MYO5B: variants seen among roughly 807,000 people sequenced by gnomAD.
MYO5B encodes the protein unconventional myosin-Vb.
In MYO5B, 143 loss-of-function variants were observed where a neutral mutation model predicts 229.3. The observed-to-expected ratio is 0.62, with a 90% confidence interval of 0.54 to 0.72. The LOEUF (loss-of-function observed/expected upper bound fraction) is 0.72. Among genes scored for constraint, MYO5B ranks in the 30% least tolerant of loss-of-function variants. MYO5B has a pLI of 0.00. For missense variants in MYO5B, 2,321 were observed against 2,331.0 expected (o/e 1.00, Z 0.09); for synonymous variants, 918 against 885.2 (o/e 1.04, Z -0.66).
intron 1 of MYO5B, among the ~76,000 whole-genome samples, chr18:50,104,164 T>C: frequency 4.5e-4 from 1 of 2,232 alleles, no homozygotes; most frequent in Non-Finnish European, 4.3e-3. Flanking sequence ...AGAACTTGTC[T>C]ATTAAAAAGA....
intron 21 of MYO5B, among the ~76,000 whole-genome samples, chr18:49,896,072 C>T (rs564398011): frequency 2.0e-5 from 3 of 152,272 alleles, no homozygotes; most frequent in Admixed American, 6.5e-5. Flanking sequence ...GCCAAATCAC[C>T]GATAAGCTGG....
At chr18:50,109,718 GA>G (rs1395002375) in intron 1 of MYO5B, among the ~76,000 whole-genome samples, 10 of 152,126 alleles carry the variant, frequency 6.6e-5, no homozygotes, top group Non-Finnish European at 1.0e-4. Flanking sequence ...GAGCCACCAC[GA>G]CCAGCGGTCA....
chr18:49,962,232 C>A, intron 12 of MYO5B, 34 bp downstream of exon 12: 1 of 1,613,720 alleles, frequency 6.2e-7, no homozygotes, highest in African/African-American at 1.3e-5. Context: ...CATCCCTACC[C>A]TAGAATTGAA....
At position 50,077,168 on chromosome 18, in the gene MYO5B, TAAAAA is replaced by T. The variant is rs71169476; in HGVS notation, c.28-21795_28-21791del. ...TTAGGGTTAATTTATTGTGGCAAAG[TAAAAA>T]AAAAAAAAAAAAAAAAAAAAGACAA... On this transcript the variant is annotated intron_variant, in intron 1 of 39. Coordinates refer to ENST00000285039, the MANE Select transcript of MYO5B (RefSeq NM_001080467.3). Among the ~76,000 whole-genome samples, 300 of 81,224 alleles carry T rather than the reference TAAAAA, an allele frequency of 3.7e-3. 1 individual carries two copies. Among genetic ancestry groups the T allele is most frequent in the African/African-American group, 0.012 (278 of 22,254 alleles). The allele number at this position is 81,224 out of a possible 152,430, so 53.3% of individuals were successfully genotyped here.
At chr18:50,183,739 G>A (rs905428306) in intron 1 of MYO5B, among the ~76,000 whole-genome samples, 30 of 152,176 alleles carry the variant, frequency 2.0e-4, no homozygotes, top group African/African-American at 6.7e-4. Flanking sequence ...CCAATGTGGC[G>A]GGGGTGGGAG....
chr18:50,014,262 A>G (rs1030057697), intron 4 of MYO5B, among the ~76,000 whole-genome samples: 1 of 123,088 alleles, frequency 8.1e-6, no homozygotes, highest in Non-Finnish European at 1.7e-5. Context: ...AATTATGGAG[A>G]AAATGGATGA....
chr18:49,935,261 G>A (rs2144207729), intron 16 of MYO5B, among the ~76,000 whole-genome samples: 1 of 152,246 alleles, frequency 6.6e-6, no homozygotes, highest in Admixed American at 6.5e-5. Context: ...TAGCACCTCG[G>A]GGTATCCAAA....
intron 1 of MYO5B, among the ~76,000 whole-genome samples, chr18:50,111,496 G>A (rs1345705546): frequency 6.6e-6 from 1 of 152,220 alleles, no homozygotes; most frequent in Admixed American, 6.5e-5. Context: ...AAATTCTCCA[G>A]ATTGTATCTC....
Position 50,153,904 on chromosome 18 carries a change from C to T in MYO5B, c.27+40863G>A, listed in dbSNP as rs1034421073. Among the ~76,000 whole-genome samples, 4 of 152,270 alleles carry T rather than the reference C, an allele frequency of 2.6e-5. No homozygotes were observed. The East Asian group carries it at 7.7e-4, about 29-fold the overall frequency. On this transcript the variant is annotated intron_variant, in intron 1 of 39. Coordinates refer to ENST00000285039, the MANE Select transcript of MYO5B (RefSeq NM_001080467.3). ...ACTGCAGTGTCCTTGCTCCCCACCC[C>T]TGGAGCCTCTGGGCACCTCTCCACC...
At chr18:50,104,263 A>T (rs1323000502) in intron 1 of MYO5B, among the ~76,000 whole-genome samples, 2 of 82,468 alleles carry the variant, frequency 2.4e-5, no homozygotes. Context: ...GGATCTATAC[A>T]TGATATATAT....
At chr18:50,069,188 T>G (rs2030893869) in intron 1 of MYO5B, among the ~76,000 whole-genome samples, 1 of 152,120 alleles carries the variant, frequency 6.6e-6, no homozygotes, top group African/African-American at 2.4e-5. Flanking sequence ...AAAATAGCAA[T>G]AATAATAACC....
intron 1 of MYO5B, among the ~76,000 whole-genome samples, chr18:50,147,448 C>T (rs1013819362): frequency 1.3e-5 from 2 of 152,156 alleles, no homozygotes; most frequent in African/African-American, 2.4e-5. Context: ...CCAGTCCAGC[C>T]GCCACAGGGT....
chr18:50,146,972 CAT>C (rs1185473660), intron 1 of MYO5B, among the ~76,000 whole-genome samples: 1 of 152,172 alleles, frequency 6.6e-6, no homozygotes, highest in Non-Finnish European at 1.5e-5. Flanking sequence ...CAATCGCCCA[CAT>C]AAATTCTTTC....
chr18:49,870,579 A>G (rs1175452988), intron 27 of MYO5B, among the ~76,000 whole-genome samples: 1 of 152,212 alleles, frequency 6.6e-6, no homozygotes, highest in Non-Finnish European at 1.5e-5. Flanking sequence ...CTAAAACTCA[A>G]CACAAAACCC....
At chr18:50,046,860 T>C (rs1476021438) in intron 2 of MYO5B, among the ~76,000 whole-genome samples, 3 of 152,156 alleles carry the variant, frequency 2.0e-5, no homozygotes, top group Non-Finnish European at 2.9e-5. Flanking sequence ...ATTTAATAAA[T>C]GGTGCTGGGA....
chr18:49,859,181 ACCT>A (rs2024299026), intron 29 of MYO5B, among the ~76,000 whole-genome samples: 1 of 152,026 alleles, frequency 6.6e-6, no homozygotes, highest in South Asian at 2.1e-4. Flanking sequence ...CGGGCTAATC[ACCT>A]CCACGCCCTG....
intron 1 of MYO5B, among the ~76,000 whole-genome samples, chr18:50,076,377 A>AAAG (rs978072694): frequency 6.6e-6 from 1 of 152,190 alleles, no homozygotes; most frequent in African/African-American, 2.4e-5. Context: ...ACCAGCCACC[A>AAAG]AAGACACATG....
chr18:50,101,260 C>T (rs76225237), intron 1 of MYO5B, among the ~76,000 whole-genome samples: 2,279 of 152,102 alleles, frequency 0.015, 52 homozygotes, highest in African/African-American at 0.051. Flanking sequence ...ACCTTAAGTG[C>T]CAATTTTGTC....
At chr18:49,859,973 G>A (rs1234745336) in intron 29 of MYO5B, among the ~76,000 whole-genome samples, 3 of 152,196 alleles carry the variant, frequency 2.0e-5, no homozygotes, top group African/African-American at 4.8e-5. Context: ...GGCCCCTGGT[G>A]TGTGTATTGG....
Sources: gnomAD v4.1 joint callset for allele counts (sites outside exome capture counted in the v4.1 genomes callset) on GRCh38, gnomAD v4.1.1 for gene constraint, MANE v1.5 for transcripts, NCBI Gene and HGNC (gene_info 2026-07-23, HGNC 2026-07-21) for gene names.